The following CBL variants were observed in gnomAD, a reference collection of about 807,000 sequenced individuals.
CBL encodes Cbl proto-oncogene, also known as E3 ubiquitin-protein ligase CBL.
CBL carries 45 observed loss-of-function variants against 96.9 expected under a neutral mutation model. The observed-to-expected ratio is 0.46, with a 90% CI of 0.37 to 0.60. The LOEUF is 0.60. Ranked by LOEUF, CBL falls within the 20% of genes least tolerant of loss-of-function variation. The probability of loss-of-function intolerance (pLI) is 0.00; values close to 1 mark genes in which losing one functional copy is unlikely to be tolerated. For missense variants in CBL, 1,024 were observed against 1,143.5 expected (o/e 0.90, Z 1.51); for synonymous variants, 420 against 426.8 (o/e 0.98, Z 0.20).
chr11:119,221,011 C>T lies in CBL; in HGVS notation c.196-11437C>T, dbSNP rs572781018. Among the ~76,000 whole-genome samples, 19 of 151,800 alleles carry T rather than the reference C, an allele frequency of 1.3e-4. No individual in the cohort carries two copies. In the South Asian group the frequency reaches 4.0e-3, roughly 32 times the overall value. ...CTGTAATCCCAGCACTTTGGGAGGC[C>T]GGGGTGGGCGATCATTTGAGGCCAG... is the stretch of plus-strand genomic sequence containing the variant. On this transcript the variant is annotated intron_variant, in intron 1 of 15. Coordinates refer to ENST00000264033, the MANE Select transcript of CBL (RefSeq NM_005188.4).
At chr11:119,282,948 AAAG>A (rs1949949699) in intron 9 of CBL, among the ~76,000 whole-genome samples, 1 of 152,058 alleles carries the variant, frequency 6.6e-6, no homozygotes, top group East Asian at 1.9e-4. Flanking sequence ...CAAAAAAAAA[AAAG>A]CCACATGTGG....
chr11:119,208,776 A>G (rs1290465869), intron 1 of CBL, among the ~76,000 whole-genome samples: 1 of 152,208 alleles, frequency 6.6e-6, no homozygotes, highest in East Asian at 1.9e-4. Context: ...GTCCTATTCT[A>G]CAAGGTAGCC....
At chr11:119,215,581 G>A (rs940860089) in intron 1 of CBL, among the ~76,000 whole-genome samples, 41 of 151,572 alleles carry the variant, frequency 2.7e-4, no homozygotes, top group Admixed American at 1.3e-4. Flanking sequence ...CAGGAGAATC[G>A]TTTAAACCCG....
chr11:119,256,213 A>T (rs1360750742), intron 2 of CBL, among the ~76,000 whole-genome samples: 1 of 147,556 alleles, frequency 6.8e-6, no homozygotes, highest in Non-Finnish European at 1.5e-5. Flanking sequence ...TTTTTTAAAG[A>T]TGGAGTCTCG....
intron 1 of CBL, among the ~76,000 whole-genome samples, chr11:119,215,859 G>A (rs1949356026): frequency 6.6e-6 from 1 of 152,066 alleles, no homozygotes; most frequent in Non-Finnish European, 1.5e-5. Flanking sequence ...GTTAGAAGAG[G>A]GGCATTTAAC....
chr11:119,275,418 A>G (rs1308589686), intron 5 of CBL, among the ~76,000 whole-genome samples: 1 of 152,176 alleles, frequency 6.6e-6, no homozygotes, highest in Non-Finnish European at 1.5e-5. Context: ...AGCCTGGGCA[A>G]TAAGAGCGAA....
At chr11:119,252,138 GAA>G (rs749779924) in intron 2 of CBL, among the ~76,000 whole-genome samples, 1 of 134,974 alleles carries the variant, frequency 7.4e-6, no homozygotes. Flanking sequence ...TACAGAAATG[GAA>G]AAAAAAAAAA....
chr11:119,267,036 G>A (rs1222626333), intron 2 of CBL, among the ~76,000 whole-genome samples: 1 of 152,104 alleles, frequency 6.6e-6, no homozygotes, highest in Non-Finnish European at 1.5e-5. Context: ...CTTTTTACAT[G>A]TTAAGACAGA....
In CBL at chr11:119,278,276, A is replaced by T. The variant is rs764805609; in HGVS notation, c.1206A>T (p.Thr402=). ...KIEPCGHLMC[T]SCLTSWQESE... is the part of the protein sequence containing the mutation. ...AGCCCTGTGGACACCTCATGTGCAC[A>T]TCCTGTCTTACATCCTGGCAGGTAC... Residue 402 remains threonine (T), a synonymous_variant, in exon 8 of 16, where the codon ACA becomes ACT. Coordinates refer to ENST00000264033, the MANE Select transcript of CBL (RefSeq NM_005188.4). The T allele has an allele frequency of 6.2e-7, 1 of 1,614,120 alleles. No homozygotes were observed. The highest frequency in any genetic ancestry group is 8.5e-7 in the Non-Finnish European group (1 of 1,179,962).
intron 3 of CBL, among the ~76,000 whole-genome samples, chr11:119,273,357 C>T (rs1425120935): frequency 6.6e-6 from 1 of 152,146 alleles, no homozygotes; most frequent in Non-Finnish European, 1.5e-5. Flanking sequence ...TTCTTGAGGC[C>T]AGAAGTTTGA....
At chr11:119,293,328 GAAC>G (rs1173929823) in intron 12 of CBL, among the ~76,000 whole-genome samples, 3 of 152,002 alleles carry the variant, frequency 2.0e-5, no homozygotes, top group Non-Finnish European at 4.4e-5. Context: ...GGCTGGTCTT[GAAC>G]TCCTGACCTC....
At chr11:119,230,403 G>A (rs1949493846) in intron 1 of CBL, among the ~76,000 whole-genome samples, 1 of 152,134 alleles carries the variant, frequency 6.6e-6, no homozygotes, top group Non-Finnish European at 1.5e-5. Context: ...GCCTCCCAAA[G>A]TGCTGGGATT....
intron 2 of CBL, among the ~76,000 whole-genome samples, chr11:119,235,358 GC>G (rs112861700): frequency 9.9e-4 from 151 of 152,102 alleles, no homozygotes; most frequent in Middle Eastern, 6.8e-3. Context: ...CAAGTGATCC[GC>G]CCGCCTTGGC....
intron 1 of CBL, among the ~76,000 whole-genome samples, chr11:119,213,946 T>G (rs998157734): frequency 7.1e-6 from 1 of 141,134 alleles, no homozygotes; most frequent in African/African-American, 2.5e-5. Flanking sequence ...TCTTTTCTTT[T>G]CTTTTCTTTT....
chr11:119,209,105 T>G (rs1949297339), intron 1 of CBL, among the ~76,000 whole-genome samples: 1 of 152,240 alleles, frequency 6.6e-6, no homozygotes, highest in Non-Finnish European at 1.5e-5. Flanking sequence ...TCTGATACGT[T>G]TATACTGCTT....
intron 2 of CBL, among the ~76,000 whole-genome samples, chr11:119,234,464 T>C (rs1427043642): frequency 2.0e-5 from 3 of 152,222 alleles, no homozygotes; most frequent in African/African-American, 7.2e-5. Context: ...TAACTAGTCA[T>C]TTTGTATTGT....
chr11:119,225,670 A>G (rs1949452526), intron 1 of CBL, among the ~76,000 whole-genome samples: 1 of 151,296 alleles, frequency 6.6e-6, no homozygotes, highest in Non-Finnish European at 1.5e-5. Context: ...TTCAGCTCCC[A>G]AGGTTCTGGG....
intron 1 of CBL, among the ~76,000 whole-genome samples, chr11:119,219,518 G>A (rs1949391175): frequency 6.6e-6 from 1 of 152,076 alleles, no homozygotes; most frequent in South Asian, 2.1e-4. Context: ...AACGTTTTCT[G>A]ATTGGTGCAA....
chr11:119,302,833 C>G lies in CBL; in HGVS notation c.*3052C>G, dbSNP rs972221698. The G allele has an allele frequency of 1.3e-5, 3 of 231,196 alleles. No individual in the cohort carries two copies. The highest frequency in any genetic ancestry group is 4.4e-5 in the African/African-American group (2 of 45,244). 14.3% of individuals were successfully genotyped at this position (231,196 alleles called of 1,614,324 possible). ...TGTTAATATTTTTGTGAATAGTGCT[C>G]TCTACCTGTGGGTGGCCGTTCTCTT... On this transcript the variant is annotated 3_prime_UTR_variant, in exon 16 of 16. Transcript: ENST00000264033.
Sources: gnomAD v4.1 joint callset for allele counts (sites outside exome capture counted in the v4.1 genomes callset) on GRCh38, gnomAD v4.1.1 for gene constraint, MANE v1.5 for transcripts, NCBI Gene and HGNC (gene_info 2026-07-23, HGNC 2026-07-21) for gene names.